Variants in TENM2 observed in about 807,000 individuals in gnomAD.
TENM2 encodes teneurin-2.
Under a neutral mutation model 245.2 loss-of-function variants are expected in TENM2, and 52 were observed. The ratio of observed to expected loss-of-function variants is 0.21; its 90% CI spans 0.17 to 0.27. The LOEUF (loss-of-function observed/expected upper bound fraction) is 0.27, where lower values mean the gene tolerates loss of function less well. TENM2 is among the 10% of genes least tolerant of loss of function. The pLI, the probability that TENM2 is intolerant of heterozygous loss-of-function variation, is 1.00. For synonymous variants in TENM2, 1,363 were observed against 1,438.9 expected (o/e 0.95, Z 1.19); for missense variants, 3,046 against 3,666.8 (o/e 0.83, Z 4.37).
At chr5:167,625,344 A>G (rs1259801299) in intron 2 of TENM2, among the ~76,000 whole-genome samples, 1 of 152,060 alleles carries the variant, frequency 6.6e-6, no homozygotes, top group Non-Finnish European at 1.5e-5. Context: ...TCTCTCCCCT[A>G]CTATTCAGAT....
At chr5:168,150,557 C>T (rs147228647) in intron 12 of TENM2, among the ~76,000 whole-genome samples, 200 of 152,156 alleles carry the variant, frequency 1.3e-3, no homozygotes, top group African/African-American at 4.6e-3. Context: ...AGACTGACTC[C>T]GTCACACTAC....
intron 2 of TENM2, among the ~76,000 whole-genome samples, chr5:167,414,173 C>A (rs1581975391): frequency 6.6e-6 from 1 of 152,024 alleles, no homozygotes; most frequent in South Asian, 2.1e-4. Context: ...AGATTCATAC[C>A]AGGTAGATAC....
At chr5:167,862,168 A>G (rs1653469449) in intron 2 of TENM2, among the ~76,000 whole-genome samples, 1 of 152,180 alleles carries the variant, frequency 6.6e-6, no homozygotes, top group Admixed American at 6.5e-5. Context: ...GGCATTATTT[A>G]TGAAAATAGA....
intron 2 of TENM2, among the ~76,000 whole-genome samples, chr5:167,455,162 T>C (rs1440757439): frequency 1.3e-5 from 2 of 152,192 alleles, no homozygotes; most frequent in South Asian, 4.1e-4. Flanking sequence ...GACTCATTAA[T>C]GTTTAATTCT....
chr5:167,955,185 T>G (rs938378760), intron 4 of TENM2, among the ~76,000 whole-genome samples: 2 of 152,204 alleles, frequency 1.3e-5, no homozygotes, highest in South Asian at 4.1e-4. Flanking sequence ...GTTATCTCAT[T>G]GTGGTTTTGA....
At chr5:167,823,987 G>A (rs1179920020) in intron 2 of TENM2, among the ~76,000 whole-genome samples, 2 of 152,044 alleles carry the variant, frequency 1.3e-5, no homozygotes, top group African/African-American at 2.4e-5. Context: ...AATTCAGAAC[G>A]GTGTGACCCA....
chr5:167,760,465 TC>T (rs1762590349), intron 2 of TENM2, among the ~76,000 whole-genome samples: 1 of 152,150 alleles, frequency 6.6e-6, no homozygotes, highest in African/African-American at 2.4e-5. Context: ...TTGCAGGCAA[TC>T]GAGGCTTCTC....
intron 2 of TENM2, among the ~76,000 whole-genome samples, chr5:167,720,562 G>T (rs181912205): frequency 2.6e-4 from 40 of 152,306 alleles, no homozygotes; most frequent in Admixed American, 8.5e-4. Flanking sequence ...ACCCCTGTTT[G>T]TAAGTGAGTA....
exon 11 of TENM2, chr5:168,124,935 C>T: frequency 1.2e-6 from 2 of 1,612,766 alleles, no homozygotes. Context: ...GTGGTCTGAA[C>T]TGTGAGCTGG....
intron 5 of TENM2, among the ~76,000 whole-genome samples, chr5:168,028,989 C>A (rs572583347): frequency 3.3e-5 from 5 of 152,138 alleles, no homozygotes; most frequent in Admixed American, 3.3e-4. Context: ...TTTGGCCAGG[C>A]TGCTATAACA....
chr5:167,836,996 C>T (rs1425712294), intron 2 of TENM2, among the ~76,000 whole-genome samples: 1 of 151,172 alleles, frequency 6.6e-6, no homozygotes, highest in East Asian at 1.9e-4. Context: ...TGGGTAAATT[C>T]AAAAAAGTAG....
intron 1 of TENM2, among the ~76,000 whole-genome samples, chr5:167,351,865 T>C (rs1758941464): frequency 1.3e-5 from 2 of 148,408 alleles, no homozygotes; most frequent in South Asian, 4.4e-4. Context: ...AAAAAAAAAA[T>C]AAAACCACAA....
At chr5:168,124,872 C>T (rs1562189232) in exon 11 of TENM2, 1 of 1,612,510 alleles carries the variant, frequency 6.2e-7, no homozygotes. Context: ...ATCCCACCTG[C>T]TCCAGCCACG....
chr5:167,262,519 T>G, the TENM2 span, among the ~76,000 whole-genome samples: 3 of 152,132 alleles, frequency 2.0e-5, no homozygotes, highest in Admixed American at 2.0e-4. Context: ...TAATTGCTCC[T>G]TCTTTTCCAT....
At chr5:167,052,376 C>T in the TENM2 span, among the ~76,000 whole-genome samples, 2 of 152,078 alleles carry the variant, frequency 1.3e-5, no homozygotes, top group East Asian at 1.9e-4. Flanking sequence ...ACATTTCATT[C>T]CCAACACCGT....
At chr5:166,987,158 T>G in the TENM2 span, among the ~76,000 whole-genome samples, 3 of 152,120 alleles carry the variant, frequency 2.0e-5, no homozygotes, top group African/African-American at 7.2e-5. Context: ...GATTGTGAAG[T>G]CTATTCCTGG....
At chr5:167,088,217 A>G in the TENM2 span, among the ~76,000 whole-genome samples, 1 of 152,190 alleles carries the variant, frequency 6.6e-6, no homozygotes, top group African/African-American at 2.4e-5. Flanking sequence ...AAGTCATCCA[A>G]AGTGAAAATA....
At chr5:168,246,771 G>A in exon 27 of TENM2, 1 of 1,613,650 alleles carries the variant, frequency 6.2e-7, no homozygotes, top group East Asian at 2.2e-5. Flanking sequence ...TGGTCCTCCT[G>A]CTTCAGAGCC....
At chr5:167,640,318 T>G (rs1779471405) in intron 2 of TENM2, among the ~76,000 whole-genome samples, 1 of 152,136 alleles carries the variant, frequency 6.6e-6, no homozygotes, top group African/African-American at 2.4e-5. Context: ...CAAAACAAAT[T>G]GCAGATTTGC....
Sources: allele counts gnomAD v4.1 joint callset (sites outside exome capture counted in the v4.1 genomes callset), GRCh38; gene constraint gnomAD v4.1.1; transcripts MANE v1.5; gene names NCBI Gene and HGNC (gene_info 2026-07-23, HGNC 2026-07-21).